Variants in CADPS observed in about 807,000 individuals in gnomAD.
The protein encoded by CADPS is calcium-dependent secretion activator 1.
In CADPS, 57 loss-of-function variants were observed where a neutral mutation model predicts 167.3. The observed-to-expected ratio is 0.34, with a 90% CI of 0.28 to 0.42. The LOEUF (loss-of-function observed/expected upper bound fraction) is 0.42. Among genes scored for constraint, CADPS ranks in the 20% least tolerant of loss-of-function variants. CADPS has a pLI of 1.00. For synonymous variants in CADPS, 676 were observed against 635.3 expected (o/e 1.06, Z -0.96); for missense variants, 1,414 against 1,738.1 (o/e 0.81, Z 3.32).
At chr3:62,419,835 C>T (rs753733059) in intron 28 of CADPS, among the ~76,000 whole-genome samples, 5 of 152,044 alleles carry the variant, frequency 3.3e-5, no homozygotes, top group South Asian at 4.1e-4. Context: ...ATGTACAGAA[C>T]GGAAAGATAA....
At chr3:62,430,065 T>C (rs1398325778) in intron 28 of CADPS, among the ~76,000 whole-genome samples, 3 of 152,198 alleles carry the variant, frequency 2.0e-5, no homozygotes, top group Non-Finnish European at 2.9e-5. Context: ...TACAGAAATG[T>C]AAATCTGTGA....
Position 62,446,110 on chromosome 3 carries a change from G to A in CADPS, c.3637-313C>T, listed in dbSNP as rs558904568. 2.0e-5 allele frequency among the ~76,000 whole-genome samples: 3 copies of A among 152,264 alleles called. No individual in the cohort carries two copies. The South Asian group carries it at 6.2e-4, about 32-fold the overall frequency. ...CTAAACCCACATGGATTAGTCCGGG[G>A]CTTACCAGTCTAGAGAAGCAACTAA... On this transcript the variant is annotated intron_variant, in intron 26 of 29. Transcript: ENST00000383710. The surrounding 1 kb of genome is among the most constrained non-coding windows in gnomAD (Gnocchi z 4.9).
chr3:62,735,136 C>T (rs568462790), intron 3 of CADPS, among the ~76,000 whole-genome samples: 17 of 152,054 alleles, frequency 1.1e-4, no homozygotes, highest in East Asian at 3.9e-4. Flanking sequence ...AAGTAAATGA[C>T]GGTATATTCA....
intron 1 of CADPS, among the ~76,000 whole-genome samples, chr3:62,815,886 C>T (rs1033430898): frequency 5.3e-5 from 8 of 152,098 alleles, no homozygotes; most frequent in African/African-American, 1.2e-4. Context: ...AATAACTATA[C>T]TTTTCTGATT....
intron 11 of CADPS, among the ~76,000 whole-genome samples, chr3:62,537,391 A>G (rs962930634): frequency 1.3e-5 from 2 of 152,164 alleles, no homozygotes; most frequent in African/African-American, 4.8e-5. Context: ...CAACATGTGT[A>G]ACTAAAATAC....
intron 29 of CADPS, among the ~76,000 whole-genome samples, chr3:62,400,563 C>T (rs1444981444): frequency 2.0e-5 from 3 of 149,946 alleles, no homozygotes; most frequent in East Asian, 2.0e-4. Context: ...TGCTAACATA[C>T]GTCAACACCA....
intron 3 of CADPS, among the ~76,000 whole-genome samples, chr3:62,666,935 C>T (rs2074533474): frequency 6.6e-6 from 1 of 152,024 alleles, no homozygotes; most frequent in African/African-American, 2.4e-5. Context: ...TCTGCATCTG[C>T]AGAGTGGACA....
At chr3:62,640,379 T>C (rs551402053) in intron 6 of CADPS, among the ~76,000 whole-genome samples, 66 of 152,286 alleles carry the variant, frequency 4.3e-4, no homozygotes, top group African/African-American at 1.3e-3. Flanking sequence ...TTAATAGAAC[T>C]CCATTTCTAT....
chr3:62,767,851 A>G (rs1456703140), intron 1 of CADPS, among the ~76,000 whole-genome samples: 1 of 152,234 alleles, frequency 6.6e-6, no homozygotes, highest in Admixed American at 6.5e-5. Context: ...AACCCAATAT[A>G]GCCAAAATAA....
chr3:62,454,685 T>G (rs867966818), intron 26 of CADPS, among the ~76,000 whole-genome samples: 16 of 152,126 alleles, frequency 1.1e-4, no homozygotes, highest in Admixed American at 2.0e-4. Context: ...TATTCTGAAA[T>G]GACCTCTGTG....
chr3:62,591,724 T>A (rs2086085183), intron 7 of CADPS, among the ~76,000 whole-genome samples: 1 of 152,056 alleles, frequency 6.6e-6, no homozygotes, highest in South Asian at 2.1e-4. Context: ...ATCTCTGTGG[T>A]TTTTAAGGGG....
intron 8 of CADPS, among the ~76,000 whole-genome samples, chr3:62,571,559 A>T (rs2081288827): frequency 6.6e-6 from 1 of 151,962 alleles, no homozygotes; most frequent in Non-Finnish European, 1.5e-5. Flanking sequence ...ATGTTAAGAT[A>T]AATATTACTT....
chr3:62,441,281 A>G (rs2149829330), intron 27 of CADPS: 1 of 152,348 alleles, frequency 6.6e-6, no homozygotes, highest in Non-Finnish European at 1.5e-5. Flanking sequence ...ACTTAAACAA[A>G]TATCTGTATA....
At chr3:62,510,133 A>C (rs1044025087) in intron 17 of CADPS, among the ~76,000 whole-genome samples, 1 of 150,570 alleles carries the variant, frequency 6.6e-6, no homozygotes, top group Non-Finnish European at 1.5e-5. Flanking sequence ...CTATCTACCT[A>C]CTCTCCTCTC....
intron 26 of CADPS, among the ~76,000 whole-genome samples, chr3:62,456,063 G>A (rs990442060): frequency 2.6e-5 from 4 of 152,020 alleles, no homozygotes; most frequent in African/African-American, 9.7e-5. Context: ...ATCCCAGGGA[G>A]GATTTTTGCA....
chr3:62,559,738 C>G (rs1175222047), intron 9 of CADPS, among the ~76,000 whole-genome samples: 1 of 152,144 alleles, frequency 6.6e-6, no homozygotes, highest in African/African-American at 2.4e-5. Context: ...AGGTGATCTG[C>G]CCGCCTCAGC....
At chr3:62,838,252 A>G (rs1210191600) in intron 1 of CADPS, among the ~76,000 whole-genome samples, 1 of 152,218 alleles carries the variant, frequency 6.6e-6, no homozygotes, top group Non-Finnish European at 1.5e-5. Flanking sequence ...TAGGTCAGAA[A>G]TGCATGTCTC....
At position 62,421,197 on chromosome 3, in the gene CADPS, G is replaced by A. The variant is rs911272302; in HGVS notation, c.3777+16907C>T. Among the ~76,000 whole-genome samples, 2 of 152,074 alleles carry A rather than the reference G, an allele frequency of 1.3e-5. No individual in the cohort carries two copies. The highest frequency in any genetic ancestry group is 2.9e-5 in the Non-Finnish European group (2 of 68,026). On this transcript the variant is annotated intron_variant, in intron 28 of 29. Coordinates refer to ENST00000383710, the MANE Select transcript of CADPS (RefSeq NM_003716.4). This position sits in a 1 kb window ranked among gnomAD's most constrained non-coding sequence, Gnocchi z 4.7. ...CGTGAGGCCCGGATCACTCTGCCTT[G>A]CCGTCAATGCTTCTCGTCCACAAGG...
At chr3:62,632,831 A>G (rs951745462) in intron 6 of CADPS, among the ~76,000 whole-genome samples, 37 of 152,116 alleles carry the variant, frequency 2.4e-4, no homozygotes, top group African/African-American at 8.5e-4. Flanking sequence ...ACATTCTGTA[A>G]AAGACACGTC....
Sources: allele counts gnomAD v4.1 joint callset (sites outside exome capture counted in the v4.1 genomes callset), GRCh38; gene constraint gnomAD v4.1.1; non-coding constraint Gnocchi (gnomAD v3.1); transcripts MANE v1.5; gene names NCBI Gene and HGNC (gene_info 2026-07-23, HGNC 2026-07-21).